Variants in CPPED1 observed in about 807,000 individuals in gnomAD.
CPPED1 encodes the protein serine/threonine-protein phosphatase CPPED1.
CPPED1 carries 28 observed loss-of-function variants against 28.0 expected under a neutral mutation model. The ratio of observed to expected loss-of-function variants is 1.00; its 90% CI spans 0.74 to 1.37. The LOEUF (loss-of-function observed/expected upper bound fraction) is 1.37. Among genes scored for constraint, CPPED1 ranks in the 40% most tolerant of loss-of-function variants. The probability of loss-of-function intolerance (pLI) is 0.00; values close to 1 mark genes in which losing one functional copy is unlikely to be tolerated. For missense variants in CPPED1, 504 were observed against 416.5 expected, an observed-to-expected ratio of 1.21 and a Z score of -1.83; for synonymous variants, 198 against 180.2, an observed-to-expected ratio of 1.10 and a Z score of -0.79.
chr16:12,667,183 G>A (rs1183910035), intron 3 of CPPED1, among the ~76,000 whole-genome samples: 1 of 152,140 alleles, frequency 6.6e-6, no homozygotes, highest in Non-Finnish European at 1.5e-5. Flanking sequence ...GAAAAATTCT[G>A]CTGCCCATGG....
intron 3 of CPPED1, among the ~76,000 whole-genome samples, chr16:12,704,054 C>T (rs1772087909): frequency 6.6e-6 from 1 of 152,172 alleles, no homozygotes; most frequent in African/African-American, 2.4e-5. Flanking sequence ...TGATCAGGCC[C>T]CAGGAACTGT....
intron 3 of CPPED1, 52 bp from the exon 4 acceptor site, chr16:12,665,167 C>T (rs754692468): frequency 5.2e-6 from 8 of 1,536,178 alleles, no homozygotes; most frequent in Non-Finnish European, 6.1e-6. Context: ...CATTAGGTAA[C>T]CTAGGGTCTC....
intron 3 of CPPED1, among the ~76,000 whole-genome samples, chr16:12,694,783 C>CT (rs968979795): frequency 9.3e-5 from 13 of 140,076 alleles, no homozygotes; most frequent in Admixed American, 1.5e-4. Flanking sequence ...AAACCCCCCC[C>CT]TTTTTTTTTT....
Position 12,719,384 on chromosome 16 carries a change from G to A in CPPED1, c.290-14335C>T, listed in dbSNP as rs1224745613. ...CTGGCCTGGGCGAAAGAGCGAGACT[G>A]CGTCTCAAAAAAAAAAAAAAAAGAA... On this transcript the variant is annotated intron_variant, in intron 2 of 3. Coordinates refer to ENST00000381774, the MANE Select transcript of CPPED1 (RefSeq NM_018340.3). Among the ~76,000 whole-genome samples the A allele has an allele frequency of 4.1e-5, 6 of 147,770 alleles. No homozygotes were observed. In the South Asian group the frequency reaches 6.4e-4, roughly 16 times the overall value.
In CPPED1 at chr16:12,663,175, C is replaced by T. The variant is rs1318533884; in HGVS notation, c.*1711G>A. Reference sequence around the variant, plus strand: ...CTCCTGAGTTCCAGCGATCTCCTGCCTCAGCCTCCCGAGTAGCTGGGATTA... The same window carrying T: ...CTCCTGAGTTCCAGCGATCTCCTGCTTCAGCCTCCCGAGTAGCTGGGATTA... On this transcript the variant is annotated 3_prime_UTR_variant, in exon 4 of 4. Transcript: ENST00000381774. 1 of 152,244 alleles carries T rather than the reference C, an allele frequency of 6.6e-6. No homozygotes were observed. The highest frequency in any genetic ancestry group is 1.9e-4 in the East Asian group (1 of 5,202). The allele number at this position is 152,244 out of a possible 1,614,324, so 9.4% of individuals were successfully genotyped here. A position where few individuals can be genotyped will look rare whatever the true frequency, so the allele number is the denominator to read the frequency against.
rs190984521 is a variant in CPPED1, at chr16:12,670,902, G to A, written c.716-5787C>T. ...GTCTCACTGTGACGCCCATGCTGAAGTACAGTGGTGCGATCTCGGCTCACT... is the reference window on the plus strand; with the variant it reads ...GTCTCACTGTGACGCCCATGCTGAAATACAGTGGTGCGATCTCGGCTCACT... On this transcript the variant is annotated intron_variant, in intron 3 of 3. Transcript: ENST00000381774. This position sits in a 1 kb window ranked among gnomAD's most constrained non-coding sequence, Gnocchi z 4.2. 1.3e-5 allele frequency among the ~76,000 whole-genome samples: 2 copies of A among 152,250 alleles called. No individual in the cohort carries two copies. The highest frequency in any genetic ancestry group is 2.1e-4 in the South Asian group (1 of 4,824).
chr16:12,790,204 T>C (rs938725967), intron 1 of CPPED1, among the ~76,000 whole-genome samples: 2 of 152,234 alleles, frequency 1.3e-5, no homozygotes, highest in East Asian at 1.9e-4. Context: ...AAGACAGATA[T>C]TCAAATTGCA....
At chr16:12,794,036 C>T (rs895274667) in intron 1 of CPPED1, among the ~76,000 whole-genome samples, 9 of 151,004 alleles carry the variant, frequency 6.0e-5, no homozygotes, top group African/African-American at 2.2e-4. Context: ...CTTATTTCAG[C>T]AGTTTAAAAA....
chr16:12,713,264 C>G (rs1416298910), intron 2 of CPPED1, among the ~76,000 whole-genome samples: 1 of 152,200 alleles, frequency 6.6e-6, no homozygotes. Context: ...TAGTGAGTAT[C>G]AGAGGCAGCA....
At chr16:12,762,930 G>A (rs995566557) in intron 2 of CPPED1, among the ~76,000 whole-genome samples, 1 of 151,848 alleles carries the variant, frequency 6.6e-6, no homozygotes, top group Non-Finnish European at 1.5e-5. Context: ...AAAAATTTTT[G>A]TAGAAATGAA....
At chr16:12,773,448 G>A (rs190185135) in intron 2 of CPPED1, among the ~76,000 whole-genome samples, 3 of 152,288 alleles carry the variant, frequency 2.0e-5, no homozygotes, top group Non-Finnish European at 4.4e-5. Flanking sequence ...CCGACTCGGC[G>A]TGGTGGCTCA....
intron 3 of CPPED1, among the ~76,000 whole-genome samples, chr16:12,696,688 C>T (rs576779750): frequency 6.6e-6 from 1 of 151,666 alleles, no homozygotes; most frequent in Admixed American, 6.6e-5. Context: ...GGTGATCCAC[C>T]TGCCTCAGCC....
At position 12,704,918 on chromosome 16, in the gene CPPED1, C is replaced by G. The variant is rs1419736055; in HGVS notation, c.421G>C (p.Glu141Gln). Residue 141 changes from glutamate (E) to glutamine (Q), a missense_variant, in exon 3 of 4, where the codon GAG becomes CAG. By Grantham distance (29) the Glu-to-Gln change is conservative. Coordinates refer to ENST00000381774, the MANE Select transcript of CPPED1 (RefSeq NM_018340.3). ...TCATCTCCCCAAGTCCGGCAGAACTCCTCGACGGTCTCGGCCGTGGGGGTG... is the reference window on the plus strand; with the variant it reads ...TCATCTCCCCAAGTCCGGCAGAACTGCTCGACGGTCTCGGCCGTGGGGGTG... ...GNTPTAETVE[E>Q]FCRTWGDDYF... 1 of 1,614,058 alleles carries G rather than the reference C, an allele frequency of 6.2e-7. No individual in the cohort carries two copies. The highest frequency in any genetic ancestry group is 1.3e-5 in the African/African-American group (1 of 74,920).
intron 3 of CPPED1, among the ~76,000 whole-genome samples, chr16:12,689,683 G>A (rs2079952169): frequency 6.6e-6 from 1 of 152,070 alleles, no homozygotes; most frequent in Non-Finnish European, 1.5e-5. Context: ...CGAAGGAAAC[G>A]ACACTGGGGA....
chr16:12,779,839 C>T (rs1225394581), intron 2 of CPPED1, among the ~76,000 whole-genome samples: 3 of 152,116 alleles, frequency 2.0e-5, no homozygotes, highest in African/African-American at 7.2e-5. Context: ...TTACAAGGTA[C>T]AACTAGCCCC....
chr16:12,732,889 G>C (rs1217514585), intron 2 of CPPED1, among the ~76,000 whole-genome samples: 1 of 152,146 alleles, frequency 6.6e-6, no homozygotes, highest in African/African-American at 2.4e-5. Context: ...CATCTAAAAA[G>C]GAGGCAAAGG....
rs1421408492 is a variant in CPPED1 at position 12,659,860 on chromosome 16, GA to G, written c.*5025del. 1 of 152,572 alleles carries G rather than the reference GA, an allele frequency of 6.6e-6. No homozygotes were observed. Among genetic ancestry groups the G allele is most frequent in the African/African-American group, 2.4e-5 (1 of 41,460 alleles). The allele number at this position is 152,572 out of a possible 1,614,324, so 9.5% of individuals were successfully genotyped here. A position where few individuals can be genotyped will look rare whatever the true frequency, so the allele number is the denominator to read the frequency against. ...TTCCGCATGGCTGGGGAGGCCTCAG[GA>G]AACTTACAATCCTGGTGGAAGGGGA... is the stretch of plus-strand genomic sequence containing the variant. On this transcript the variant is annotated 3_prime_UTR_variant, in exon 4 of 4. Transcript: ENST00000381774.
chr16:12,774,370 A>C (rs2080485933), intron 2 of CPPED1, among the ~76,000 whole-genome samples: 1 of 151,946 alleles, frequency 6.6e-6, no homozygotes, highest in South Asian at 2.1e-4. Flanking sequence ...CAGGAGACTG[A>C]GGCAGGAGAA....
chr16:12,749,395 A>T (rs979986348), intron 2 of CPPED1, among the ~76,000 whole-genome samples: 1 of 152,164 alleles, frequency 6.6e-6, no homozygotes, highest in Admixed American at 6.5e-5. Context: ...TCAAGTTTTG[A>T]TCATGAGATT....
Sources: gnomAD v4.1 joint callset for allele counts (sites outside exome capture counted in the v4.1 genomes callset) on GRCh38, gnomAD v4.1.1 for gene constraint, Gnocchi (gnomAD v3.1) non-coding constraint, MANE v1.5 for transcripts, NCBI Gene and HGNC (gene_info 2026-07-23, HGNC 2026-07-21) for gene names.